The following SLC38A11 variants were observed in gnomAD, a reference collection of about 807,000 sequenced individuals.
SLC38A11 encodes the protein solute carrier family 38 member 11.
SLC38A11 carries 51 observed loss-of-function variants against 49.4 expected under a neutral mutation model. That is an observed-to-expected ratio of 1.03 (90% CI 0.83 to 1.30). The LOEUF (loss-of-function observed/expected upper bound fraction) is 1.30, where lower values mean the gene tolerates loss of function less well. Among genes scored for constraint, SLC38A11 ranks in the 50% most tolerant of loss-of-function variants. SLC38A11 has a pLI of 0.00. For missense variants in SLC38A11, 574 were observed against 556.2 expected (o/e 1.03, Z -0.32); for synonymous variants, 203 against 192.9 (o/e 1.05, Z -0.43).
chr2:164,914,081 G>C (rs75843377), intron 9 of SLC38A11, among the ~76,000 whole-genome samples: 1 of 151,980 alleles, frequency 6.6e-6, no homozygotes, highest in Non-Finnish European at 1.5e-5. Context: ...GGCAGAAAGA[G>C]GATGGAAAGA....
At chr2:164,940,672 C>T (rs1229143460) in intron 5 of SLC38A11, among the ~76,000 whole-genome samples, 1 of 150,310 alleles carries the variant, frequency 6.7e-6, no homozygotes, top group Non-Finnish European at 1.5e-5. Context: ...TAAATTTTTA[C>T]CACATATATG....
In SLC38A11 at chr2:164,894,879, C is replaced by T. The variant is rs1559078748; in HGVS notation, c.*3558G>A. On this transcript the variant is annotated 3_prime_UTR_variant, in exon 12 of 12. Transcript: ENST00000685975. Reference sequence around the variant, plus strand: ...CCTCATTTTCTTCCCTGAGATCTAGCATGGTATTCCTACATCTTGCTTGTA... The same window carrying T: ...CCTCATTTTCTTCCCTGAGATCTAGTATGGTATTCCTACATCTTGCTTGTA... Among the ~76,000 whole-genome samples, 2 of 152,176 alleles carry T rather than the reference C, an allele frequency of 1.3e-5. No homozygotes were observed.
At chr2:164,954,264 G>A (rs1014893451) in intron 2 of SLC38A11, among the ~76,000 whole-genome samples, 5 of 152,146 alleles carry the variant, frequency 3.3e-5, no homozygotes, top group African/African-American at 1.2e-4. Context: ...GTTAAAGAAA[G>A]ATGATTCAAA....
At chr2:164,930,561 T>C (rs1483582574) in intron 7 of SLC38A11, among the ~76,000 whole-genome samples, 1 of 152,040 alleles carries the variant, frequency 6.6e-6, no homozygotes, top group Non-Finnish European at 1.5e-5. Flanking sequence ...TCCACCACAA[T>C]CAAGTAGGCT....
Position 164,894,777 on chromosome 2 carries a change from T to C in SLC38A11, c.*3660A>G, listed in dbSNP as rs1415936580. ...CGTGGTTTCTCCTCTTCTCACTGTGTCTCTAGATGATTTTTCAAAGAGGCA... is the reference window on the plus strand; with the variant it reads ...CGTGGTTTCTCCTCTTCTCACTGTGCCTCTAGATGATTTTTCAAAGAGGCA... On this transcript the variant is annotated 3_prime_UTR_variant, in exon 12 of 12. Transcript: ENST00000685975. Among the ~76,000 whole-genome samples the C allele has an allele frequency of 6.6e-6, 1 of 152,136 alleles. No homozygotes were observed. The highest frequency in any genetic ancestry group is 1.5e-5 in the Non-Finnish European group (1 of 68,034).
At chr2:164,910,796 A>G (rs1031060411) in intron 10 of SLC38A11, among the ~76,000 whole-genome samples, 1 of 152,070 alleles carries the variant, frequency 6.6e-6, no homozygotes, top group Non-Finnish European at 1.5e-5. Context: ...TCCCTGAAAG[A>G]CCCACTGTGA....
chr2:164,908,854 G>T, intron 10 of SLC38A11, 83 bp from the exon 11 acceptor site: 1 of 1,393,554 alleles, frequency 7.2e-7, no homozygotes, highest in Non-Finnish European at 9.7e-7. Flanking sequence ...ATAGTATTTA[G>T]GAATATATAA....
intron 1 of SLC38A11, 113 bp from the exon 2 acceptor site, chr2:164,954,858 C>T: frequency 3.5e-6 from 2 of 563,434 alleles, no homozygotes; most frequent in South Asian, 5.6e-5. Context: ...AGTAATGTCA[C>T]TAATGAAAAT....
chr2:164,902,999 A>G, intron 11 of SLC38A11, among the ~76,000 whole-genome samples: 1 of 152,240 alleles, frequency 6.6e-6, no homozygotes. Flanking sequence ...ATTAGTTGTC[A>G]TATGACTAGA....
chr2:164,930,653 A>T (rs958882916), intron 7 of SLC38A11, among the ~76,000 whole-genome samples: 5 of 152,152 alleles, frequency 3.3e-5, no homozygotes, highest in Non-Finnish European at 7.4e-5. Context: ...AAAGACAAAA[A>T]CGATATGATT....
chr2:164,913,747 CTA>C (rs1685568546), intron 9 of SLC38A11, among the ~76,000 whole-genome samples: 1 of 152,170 alleles, frequency 6.6e-6, no homozygotes, highest in Admixed American at 6.6e-5. Context: ...CATTGGCAAA[CTA>C]TGTAGCAATA....
intron 2 of SLC38A11, among the ~76,000 whole-genome samples, chr2:164,954,223 C>T (rs1688701050): frequency 6.6e-6 from 1 of 152,086 alleles, no homozygotes; most frequent in African/African-American, 2.4e-5. Context: ...CCAACATTTA[C>T]AAATATCTGG....
intron 5 of SLC38A11, among the ~76,000 whole-genome samples, chr2:164,944,036 T>C (rs1341958012): frequency 6.6e-6 from 1 of 152,092 alleles, no homozygotes; most frequent in African/African-American, 2.4e-5. Flanking sequence ...CTGTACTTTT[T>C]GTAGAGATGA....
chr2:164,934,014 A>G (rs1042293986), intron 7 of SLC38A11, among the ~76,000 whole-genome samples: 1 of 152,158 alleles, frequency 6.6e-6, no homozygotes, highest in Non-Finnish European at 1.5e-5. Context: ...GGTCAGACAG[A>G]TGTAGGCCAC....
chr2:164,902,929 T>C (rs184268914), intron 11 of SLC38A11, among the ~76,000 whole-genome samples: 3 of 152,272 alleles, frequency 2.0e-5, no homozygotes, highest in African/African-American at 4.8e-5. Context: ...AAATATACTT[T>C]TGCCATTCAT....
At chr2:164,948,120 C>T (rs1213777301) in intron 3 of SLC38A11, among the ~76,000 whole-genome samples, 1 of 152,178 alleles carries the variant, frequency 6.6e-6, no homozygotes, top group Non-Finnish European at 1.5e-5. Context: ...AAGATTTGAG[C>T]TCATCTGTAA....
At chr2:164,939,994 G>GTTTT (rs10707733) in intron 5 of SLC38A11, among the ~76,000 whole-genome samples, 2 of 137,284 alleles carry the variant, frequency 1.5e-5, no homozygotes, top group Non-Finnish European at 3.1e-5. Context: ...ATTTTCTAAG[G>GTTTT]TTTTTTTTTT....
chr2:164,900,547 A>T (rs746879570), intron 11 of SLC38A11, among the ~76,000 whole-genome samples: 1 of 152,074 alleles, frequency 6.6e-6, no homozygotes, highest in African/African-American at 2.4e-5. Flanking sequence ...TTTCCTGATG[A>T]TTAATGATGT....
chr2:164,949,412 C>A (rs1482773077), intron 3 of SLC38A11, among the ~76,000 whole-genome samples: 5 of 152,018 alleles, frequency 3.3e-5, no homozygotes, highest in Admixed American at 6.6e-5. Flanking sequence ...CACAAGCCAC[C>A]ACATCCAGTT....
Sources: allele counts gnomAD v4.1 joint callset (sites outside exome capture counted in the v4.1 genomes callset), GRCh38; gene constraint gnomAD v4.1.1; transcripts MANE v1.5; gene names NCBI Gene and HGNC (gene_info 2026-07-23, HGNC 2026-07-21).